The following WDFY2 variants were observed in gnomAD, a reference collection of about 807,000 sequenced individuals.
WDFY2 encodes WD repeat and FYVE domain-containing protein 2.
WDFY2 carries 36 observed loss-of-function variants against 56.4 expected under a neutral mutation model. That is an observed-to-expected ratio of 0.64 (90% CI 0.49 to 0.84). The LOEUF is 0.84. Among genes scored for constraint, WDFY2 ranks in the 40% least tolerant of loss-of-function variants. WDFY2 has a pLI of 0.00. For synonymous variants in WDFY2, 176 were observed against 183.7 expected (o/e 0.96, Z 0.34); for missense variants, 444 against 512.2 (o/e 0.87, Z 1.29).
In WDFY2 at chr13:51,675,239, T is replaced by C; in HGVS notation, c.275T>C (p.Ile92Thr). Reference protein sequence around the residue: ...RLSIGLDNGTISEFILSEDYN... With the variant: ...RLSIGLDNGTTSEFILSEDYN... ...TCCATAGGTCTAGACAATGGTACAA[T>C]CTCAGTAAGTACACATAAATAAGAT... The change falls in exon 3 of 12, where the codon ATC (isoleucine) becomes ACC (threonine). Residue 92 changes from isoleucine to threonine, a missense_variant. Transcript: ENST00000298125. The C allele has an allele frequency of 6.2e-7, 1 of 1,612,638 alleles. No individual in the cohort carries two copies. The highest frequency in any genetic ancestry group is 8.5e-7 in the Non-Finnish European group (1 of 1,178,670).
chr13:51,695,425 G>A (rs1486642352), intron 3 of WDFY2, among the ~76,000 whole-genome samples: 1 of 152,204 alleles, frequency 6.6e-6, no homozygotes, highest in African/African-American at 2.4e-5. Context: ...CTGTATGTCT[G>A]TTGGAGTTTG....
At chr13:51,729,203 C>CA (rs970960669) in intron 6 of WDFY2, among the ~76,000 whole-genome samples, 4 of 152,194 alleles carry the variant, frequency 2.6e-5, no homozygotes, top group African/African-American at 9.6e-5. Context: ...CTACAGTAGT[C>CA]ACGCTGCCTT....
At chr13:51,594,206 AC>A (rs1954102950) in intron 1 of WDFY2, 1 of 152,216 alleles carries the variant, frequency 6.6e-6, no homozygotes, top group South Asian at 2.1e-4. Context: ...GGTGTGTGCC[AC>A]CACACACCTT....
intron 1 of WDFY2, among the ~76,000 whole-genome samples, chr13:51,631,055 C>T (rs1954942811): frequency 6.7e-6 from 1 of 149,084 alleles, no homozygotes; most frequent in African/African-American, 2.4e-5. Context: ...ACTGGGATTA[C>T]AGGCGTGAGC....
intron 6 of WDFY2, among the ~76,000 whole-genome samples, chr13:51,738,383 A>G (rs1452889514): frequency 6.6e-6 from 1 of 152,232 alleles, no homozygotes; most frequent in East Asian, 1.9e-4. Context: ...GAGTGGTAGA[A>G]TGGTCCTATG....
At chr13:51,617,207 T>A (rs1442484999) in intron 1 of WDFY2, among the ~76,000 whole-genome samples, 1 of 152,252 alleles carries the variant, frequency 6.6e-6, no homozygotes, top group Non-Finnish European at 1.5e-5. Context: ...CTATTTCTGT[T>A]AGCCATCAGA....
rs181654708 is a variant in WDFY2 at position 51,705,207 on chromosome 13, A to G, written c.334+1557A>G. ...CAAGGAACTGAATCCAGCCAGTACT[A>G]TGTAAGAGAGTTCGGAAGCAGATTC... On this transcript the variant is annotated intron_variant, in intron 4 of 11. Coordinates refer to ENST00000298125, the MANE Select transcript of WDFY2 (RefSeq NM_052950.4). Among the ~76,000 whole-genome samples, 208 of 152,308 alleles carry G rather than the reference A, an allele frequency of 1.4e-3. 1 individual carries two copies. Among genetic ancestry groups the G allele is most frequent in the Non-Finnish European group, 2.5e-3 (169 of 68,024 alleles).
At chr13:51,688,227 T>C (rs892568077) in intron 3 of WDFY2, among the ~76,000 whole-genome samples, 5 of 152,272 alleles carry the variant, frequency 3.3e-5, no homozygotes, top group Admixed American at 3.3e-4. Flanking sequence ...CAGACTTGGG[T>C]AACAGGGATC....
chr13:51,676,007 A>G (rs1348244922), intron 3 of WDFY2, among the ~76,000 whole-genome samples: 1 of 152,170 alleles, frequency 6.6e-6, no homozygotes, highest in East Asian at 1.9e-4. Context: ...TTCAGAACCT[A>G]TGAATTAGAA....
chr13:51,647,765 TAAAAAAAAAAA>T (rs528621325), intron 1 of WDFY2, among the ~76,000 whole-genome samples: 1 of 102,734 alleles, frequency 9.7e-6, no homozygotes, highest in African/African-American at 3.7e-5. Context: ...GTCTCTCTCT[TAAAAAAAAAAA>T]AAAAAAAAAA....
intron 4 of WDFY2, among the ~76,000 whole-genome samples, chr13:51,718,909 A>T (rs2138627719): frequency 6.6e-6 from 1 of 152,224 alleles, no homozygotes; most frequent in Middle Eastern, 3.4e-3. Flanking sequence ...TGGTTACAGG[A>T]GCTATGTGTG....
At position 51,584,766 on chromosome 13, in the gene WDFY2, G is replaced by C. The variant is rs1953902827; in HGVS notation, c.79G>C (p.Val27Leu). The C allele has an allele frequency of 5.0e-6, 8 of 1,613,956 alleles. No homozygotes were observed. Among genetic ancestry groups the C allele is most frequent in the Non-Finnish European group, 6.8e-6 (8 of 1,179,836 alleles). ...LQRMEGSQEVVNMAVIVPKEE... is the reference protein window; with the variant it reads ...LQRMEGSQEVLNMAVIVPKEE... Reference sequence around the variant, plus strand: ...GCGGATGGAGGGGTCCCAGGAGGTGGTGAATATGGCCGTGATCGTGCCCAA... The same window carrying C: ...GCGGATGGAGGGGTCCCAGGAGGTGCTGAATATGGCCGTGATCGTGCCCAA... The change falls in exon 1 of 12, where the codon GTG becomes CTG. Residue 27 changes from valine (V) to leucine (L), a missense_variant. Coordinates refer to ENST00000298125, the MANE Select transcript of WDFY2 (RefSeq NM_052950.4).
rs56054205 is a variant in WDFY2 at position 51,707,939 on chromosome 13, C to CTTTTTTT, written c.334+4315_334+4321dup. On this transcript the variant is annotated intron_variant, in intron 4 of 11. Coordinates refer to ENST00000298125, the MANE Select transcript of WDFY2 (RefSeq NM_052950.4). ...ATATATACTATTAACCCTAAAACAA[C>CTTTTTTT]TTTTTTTTTTTTTTTTTTTTTTTTT... Among the ~76,000 whole-genome samples, 298 of 57,562 alleles carry CTTTTTTT rather than the reference C, an allele frequency of 5.2e-3. 36 individuals carry two copies. Among genetic ancestry groups the CTTTTTTT allele is most frequent in the African/African-American group, 6.6e-3 (92 of 13,978 alleles). 37.8% of individuals were successfully genotyped at this position (57,562 alleles called of 152,430 possible). A position where few individuals can be genotyped will look rare whatever the true frequency, so the allele number is the denominator to read the frequency against.
chr13:51,609,479 G>A (rs368070677), intron 1 of WDFY2, among the ~76,000 whole-genome samples: 5 of 152,108 alleles, frequency 3.3e-5, no homozygotes, highest in African/African-American at 1.2e-4. Flanking sequence ...GAGAATTTGG[G>A]ACATTTAGTG....
chr13:51,747,558 G>A (rs535050461), intron 7 of WDFY2, among the ~76,000 whole-genome samples: 24 of 152,260 alleles, frequency 1.6e-4, no homozygotes, highest in Non-Finnish European at 3.1e-4. Flanking sequence ...TTCAGACAAG[G>A]TCTTGCTCTG....
At chr13:51,666,239 A>T (rs1955698166) in intron 2 of WDFY2, among the ~76,000 whole-genome samples, 1 of 152,220 alleles carries the variant, frequency 6.6e-6, no homozygotes, top group African/African-American at 2.4e-5. Context: ...CCCTCTGCAG[A>T]AATGCCTTCA....
At chr13:51,720,428 C>T (rs1217122678) in intron 5 of WDFY2, among the ~76,000 whole-genome samples, 1 of 152,182 alleles carries the variant, frequency 6.6e-6, no homozygotes, top group East Asian at 1.9e-4. Context: ...ATCAGCTCAT[C>T]TTTGAGAGGG....
At chr13:51,677,347 A>G (rs1412938869) in intron 3 of WDFY2, among the ~76,000 whole-genome samples, 2 of 152,210 alleles carry the variant, frequency 1.3e-5, no homozygotes, top group East Asian at 3.8e-4. Flanking sequence ...CATCTATGGA[A>G]TTAGAAAGAG....
At chr13:51,743,222 A>G (rs9535746) in intron 7 of WDFY2, among the ~76,000 whole-genome samples, 18,090 of 152,258 alleles carry the variant, frequency 0.12, 1,349 homozygotes, top group South Asian at 0.2. Flanking sequence ...ATCAGCTATG[A>G]GAGTTTTCAT....
Sources: allele counts gnomAD v4.1 joint callset (sites outside exome capture counted in the v4.1 genomes callset), GRCh38; gene constraint gnomAD v4.1.1; transcripts MANE v1.5; gene names NCBI Gene and HGNC (gene_info 2026-07-23, HGNC 2026-07-21).